The following MATR3 variants were observed in gnomAD, a reference collection of about 807,000 sequenced individuals.
MATR3 encodes the protein matrin 3, also known as matrin-3.
In MATR3, 4 loss-of-function variants were observed where a neutral mutation model predicts 85.5. The observed-to-expected ratio is 0.05, with a 90% confidence interval of 0.02 to 0.11. The LOEUF is 0.11. MATR3 is among the 10% of genes least tolerant of loss of function. The pLI, the probability that MATR3 is intolerant of heterozygous loss-of-function variation, is 1.00. For missense variants in MATR3, 685 were observed against 1,016.1 expected (o/e 0.67, Z 4.43); for synonymous variants, 336 against 343.1 (o/e 0.98, Z 0.23).
Position 139,293,787 on chromosome 5 carries a change from C to T in MATR3, c.-196C>T, listed in dbSNP as rs1561924572. 10 of 397,448 alleles carry T rather than the reference C, an allele frequency of 2.5e-5. 1 individual carries two copies. Among genetic ancestry groups the T allele is most frequent in the East Asian group, 2.5e-4 (7 of 27,872 alleles). 24.6% of individuals were successfully genotyped at this position (397,448 alleles called of 1,614,324 possible). ...CTGGGAGAGAGGTACCTCTCCTTTT[C>T]CCTCTCCCTTTCCCTAAGGTAGGCG... On this transcript the variant is annotated 5_prime_UTR_variant, in exon 1 of 15. Coordinates refer to ENST00000394805, the MANE Select transcript of MATR3 (RefSeq NM_018834.6).
chr5:139,288,981 A>G (rs1290267245), upstream of MATR3, among the ~76,000 whole-genome samples: 5 of 151,954 alleles, frequency 3.3e-5, no homozygotes, highest in African/African-American at 9.7e-5. Flanking sequence ...ACATGGTTTC[A>G]TCATGTTGGC....
chr5:139,323,961 C>T (rs1755710894), intron 12 of MATR3, among the ~76,000 whole-genome samples: 1 of 151,586 alleles, frequency 6.6e-6, no homozygotes, highest in South Asian at 2.1e-4. Context: ...TCCTTTTATG[C>T]AACATTCAAC....
chr5:139,327,281 G>T (rs1354888431), intron 14 of MATR3, among the ~76,000 whole-genome samples: 19 of 147,190 alleles, frequency 1.3e-4, no homozygotes, highest in South Asian at 2.1e-4. Context: ...AATAATTCAA[G>T]TTCTTGGCTG....
intron 1 of MATR3, among the ~76,000 whole-genome samples, chr5:139,305,896 G>A (rs913172641): frequency 2.0e-5 from 3 of 152,014 alleles, no homozygotes; most frequent in African/African-American, 7.2e-5. Context: ...CTTTGCCACT[G>A]TATTTGTCCA....
chr5:139,321,657 G>A, intron 9 of MATR3: 1 of 518,904 alleles, frequency 1.9e-6, no homozygotes, highest in East Asian at 3.6e-5. Context: ...GGTGGTGCAT[G>A]CCTGTAGACC....
At chr5:139,321,406 G>A (rs567784696) in intron 9 of MATR3, among the ~76,000 whole-genome samples, 47 of 152,112 alleles carry the variant, frequency 3.1e-4, no homozygotes, top group African/African-American at 1.1e-3. Flanking sequence ...CACCCGCCTT[G>A]GCCTCCCAAA....
intron 2 of MATR3, among the ~76,000 whole-genome samples, chr5:139,277,250 TCTC>T (rs1753318924): frequency 1.3e-5 from 2 of 151,634 alleles, no homozygotes; most frequent in South Asian, 2.1e-4. Flanking sequence ...GCTCAAGTGA[TCTC>T]CTGCCTCTCA....
intron 6 of MATR3, 104 bp downstream of exon 6, chr5:139,317,209 A>T: frequency 9.1e-7 from 1 of 1,100,068 alleles, no homozygotes; most frequent in Non-Finnish European, 1.4e-6. Context: ...TTATGGGAAC[A>T]TTGCTGTAAT....
chr5:139,329,474 C>T lies in MATR3; in HGVS notation c.*79C>T, dbSNP rs1756022987. ...ATGTTAACCTTTTTTAAATACAATACTGATAGTTAGAAGAAAACTATTGTA... is the reference window on the plus strand; with the variant it reads ...ATGTTAACCTTTTTTAAATACAATATTGATAGTTAGAAGAAAACTATTGTA... On this transcript the variant is annotated 3_prime_UTR_variant, in exon 15 of 15. Coordinates refer to ENST00000394805, the MANE Select transcript of MATR3 (RefSeq NM_018834.6). 8.7e-7 allele frequency: 1 copy of T among 1,146,614 alleles called. No individual in the cohort carries two copies. Among genetic ancestry groups the T allele is most frequent in the Non-Finnish European group, 1.3e-6 (1 of 764,800 alleles). The allele number at this position is 1,146,614 out of a possible 1,614,324, so 71.0% of individuals were successfully genotyped here.
At chr5:139,315,896 T>C (rs759466523) in intron 4 of MATR3, 158 bp downstream of exon 4, 1 of 755,444 alleles carries the variant, frequency 1.3e-6, no homozygotes, top group Non-Finnish European at 2.3e-6. Flanking sequence ...TTAGAATATA[T>C]ATTATGTAGT....
chr5:139,322,188 T>C (rs1755608466), intron 10 of MATR3, among the ~76,000 whole-genome samples, 159 bp downstream of exon 10: 1 of 152,244 alleles, frequency 6.6e-6, no homozygotes, highest in Non-Finnish European at 1.5e-5. Flanking sequence ...TGGTCTTTAA[T>C]GGCAGAAGTT....
intron 12 of MATR3, among the ~76,000 whole-genome samples, chr5:139,325,106 T>C (rs1427664584): frequency 6.6e-6 from 1 of 151,576 alleles, no homozygotes; most frequent in East Asian, 1.9e-4. Flanking sequence ...GGCAGGAGAA[T>C]GGCGTGAACC....
intron 6 of MATR3, 97 bp from the exon 7 acceptor site, chr5:139,317,499 C>G (rs1755314102): frequency 8.3e-7 from 1 of 1,206,632 alleles, no homozygotes. Context: ...TTACACTCTC[C>G]TGGTTAATTA....
At chr5:139,277,402 G>A (rs1198182662) in intron 2 of MATR3, among the ~76,000 whole-genome samples, 1 of 152,126 alleles carries the variant, frequency 6.6e-6, no homozygotes, top group Non-Finnish European at 1.5e-5. Context: ...ATGTTGGGGG[G>A]CAGGGGAGTT....
chr5:139,286,602 T>C (rs1753711066), intron 3 of MATR3, among the ~76,000 whole-genome samples: 1 of 151,938 alleles, frequency 6.6e-6, no homozygotes, highest in Admixed American at 6.5e-5. Context: ...CCCAGCACTT[T>C]GGGAGGCTGA....
intron 1 of MATR3, among the ~76,000 whole-genome samples, chr5:139,299,228 G>A (rs968151709): frequency 6.6e-6 from 1 of 152,232 alleles, no homozygotes; most frequent in African/African-American, 2.4e-5. Flanking sequence ...AAATGACAGA[G>A]GGATGCCTCC....
chr5:139,325,149 C>T (rs1046124639), intron 12 of MATR3: 277 of 1,107,112 alleles, frequency 2.5e-4, no homozygotes, highest in African/African-American at 7.9e-4. Flanking sequence ...GCCGAGATCG[C>T]GCCACTGCAC....
At chr5:139,308,832 A>G (rs1309010694) in intron 2 of MATR3, among the ~76,000 whole-genome samples, 1 of 152,090 alleles carries the variant, frequency 6.6e-6, no homozygotes, top group Non-Finnish European at 1.5e-5. Context: ...AGTATGTTTC[A>G]TATTTTAGAT....
intron 3 of MATR3, among the ~76,000 whole-genome samples, chr5:139,286,554 T>G (rs975587022): frequency 1.3e-5 from 2 of 150,956 alleles, no homozygotes; most frequent in Non-Finnish European, 3.0e-5. Flanking sequence ...ATAGGAATAA[T>G]GGTACGTTGG....
Sources: gnomAD v4.1 joint callset for allele counts (sites outside exome capture counted in the v4.1 genomes callset) on GRCh38, gnomAD v4.1.1 for gene constraint, MANE v1.5 for transcripts, NCBI Gene and HGNC (gene_info 2026-07-23, HGNC 2026-07-21) for gene names.